The following PKIG variants were observed in gnomAD, a reference collection of about 807,000 sequenced individuals.
The protein encoded by PKIG is cAMP-dependent protein kinase inhibitor gamma.
In PKIG, 1 loss-of-function variant was observed where a neutral mutation model predicts 6.8. That is an observed-to-expected ratio of 0.15 (90% CI 0.05 to 0.69). The LOEUF (loss-of-function observed/expected upper bound fraction) is 0.69. Ranked by LOEUF, PKIG falls within the 30% of genes least tolerant of loss-of-function variation. The pLI, the probability that PKIG is intolerant of heterozygous loss-of-function variation, is 0.82. For synonymous variants in PKIG, 39 were observed against 43.0 expected (o/e 0.91, Z 0.36); for missense variants, 77 against 104.0 (o/e 0.74, Z 1.13).
At chr20:44,603,701 T>G (rs75107968) in intron 2 of PKIG, among the ~76,000 whole-genome samples, 133 of 152,302 alleles carry the variant, frequency 8.7e-4, no homozygotes, top group African/African-American at 3.1e-3. Context: ...GTCTTTCGGT[T>G]AGATTCTACA....
chr20:44,593,715 A>G lies in PKIG; in HGVS notation c.-24+3849A>G, dbSNP rs1242609784. ...TGGTAATTACAGTTAATAATATGGT[A>G]TTGTATACTTGAAATTTGCTAAGAG... On this transcript the variant is annotated intron_variant, in intron 2 of 3. Transcript: ENST00000372886. 2.0e-5 allele frequency among the ~76,000 whole-genome samples: 3 copies of G among 152,348 alleles called. No individual in the cohort carries two copies. The East Asian group carries it at 5.8e-4, about 29-fold the overall frequency.
intron 1 of PKIG, among the ~76,000 whole-genome samples, chr20:44,572,209 T>G (rs919412130): frequency 6.6e-6 from 1 of 152,178 alleles, no homozygotes; most frequent in Non-Finnish European, 1.5e-5. Flanking sequence ...TTTCACCATG[T>G]TGGTCAGGCT....
At chr20:44,577,117 GT>G (rs141419687) in intron 1 of PKIG, among the ~76,000 whole-genome samples, 47 of 148,666 alleles carry the variant, frequency 3.2e-4, no homozygotes, top group Non-Finnish European at 4.8e-4. Context: ...TGTGTGTGTG[GT>G]TTTTTTTTTG....
chr20:44,613,676 A>C, intron 2 of PKIG, among the ~76,000 whole-genome samples: 1 of 152,122 alleles, frequency 6.6e-6, no homozygotes, highest in Non-Finnish European at 1.5e-5. Flanking sequence ...TTATATCTAG[A>C]ATCCTTCCCA....
chr20:44,603,345 T>A (rs2123435375), intron 2 of PKIG, among the ~76,000 whole-genome samples: 1 of 152,284 alleles, frequency 6.6e-6, no homozygotes, highest in African/African-American at 2.4e-5. Flanking sequence ...ACTACACTTT[T>A]TGCATCACCA....
intron 1 of PKIG, among the ~76,000 whole-genome samples, chr20:44,548,952 A>G: frequency 6.6e-6 from 1 of 151,960 alleles, no homozygotes; most frequent in Admixed American, 6.6e-5. Flanking sequence ...GAGAAATGAA[A>G]TATCCCTGAT....
intron 2 of PKIG, among the ~76,000 whole-genome samples, chr20:44,590,233 G>A (rs966837612): frequency 6.6e-6 from 1 of 152,204 alleles, no homozygotes; most frequent in Non-Finnish European, 1.5e-5. Flanking sequence ...TCTCCACCAA[G>A]TGTTTGCTGT....
At chr20:44,597,278 T>C (rs1293121274) in intron 2 of PKIG, among the ~76,000 whole-genome samples, 1 of 145,640 alleles carries the variant, frequency 6.9e-6, no homozygotes, top group African/African-American at 2.5e-5. Flanking sequence ...CCTGGCTTTA[T>C]TAGAATTACT....
At chr20:44,593,347 A>G (rs1271304115) in intron 2 of PKIG, among the ~76,000 whole-genome samples, 1 of 142,516 alleles carries the variant, frequency 7.0e-6, no homozygotes, top group Non-Finnish European at 1.5e-5. Flanking sequence ...AAAAAAAATT[A>G]TAATGCTATA....
chr20:44,610,363 G>A (rs1440200921), intron 2 of PKIG, among the ~76,000 whole-genome samples: 1 of 152,130 alleles, frequency 6.6e-6, no homozygotes, highest in African/African-American at 2.4e-5. Flanking sequence ...TGATCTTTGA[G>A]GGCCCCTAAT....
intron 2 of PKIG, among the ~76,000 whole-genome samples, chr20:44,610,913 G>T (rs1489322632): frequency 1.3e-5 from 2 of 151,904 alleles, no homozygotes; most frequent in South Asian, 4.2e-4. Flanking sequence ...TATTTGTGGG[G>T]TGCAACTTGA....
intron 1 of PKIG, among the ~76,000 whole-genome samples, chr20:44,545,303 C>G (rs1022121329): frequency 6.6e-6 from 1 of 152,066 alleles, no homozygotes; most frequent in Non-Finnish European, 1.5e-5. Context: ...TAAGAATCAA[C>G]TGGGTTTGTT....
chr20:44,604,706 A>C (rs1447815994), intron 2 of PKIG, among the ~76,000 whole-genome samples: 1 of 152,246 alleles, frequency 6.6e-6, no homozygotes, highest in Non-Finnish European at 1.5e-5. Flanking sequence ...AGTAGAACTC[A>C]TGCAATAATT....
chr20:44,560,027 C>A (rs1271478293), intron 1 of PKIG, among the ~76,000 whole-genome samples: 2 of 146,798 alleles, frequency 1.4e-5, no homozygotes, highest in Admixed American at 1.4e-4. Flanking sequence ...ACATTTTTTT[C>A]ATGGGCAAAA....
intron 2 of PKIG, among the ~76,000 whole-genome samples, chr20:44,594,700 G>T (rs868682750): frequency 6.6e-6 from 1 of 151,746 alleles, no homozygotes; most frequent in Non-Finnish European, 1.5e-5. Flanking sequence ...CTGTCTCCTT[G>T]CAATGGGGGC....
chr20:44,573,594 G>A (rs768005590), intron 1 of PKIG, among the ~76,000 whole-genome samples: 13 of 152,254 alleles, frequency 8.5e-5, no homozygotes, highest in Non-Finnish European at 1.2e-4. Flanking sequence ...CAAAGGAGAA[G>A]TAGGGTAATG....
intron 2 of PKIG, among the ~76,000 whole-genome samples, chr20:44,594,958 A>G (rs1236452923): frequency 6.6e-6 from 1 of 152,204 alleles, no homozygotes; most frequent in African/African-American, 2.4e-5. Flanking sequence ...CCATCTTGTG[A>G]CCTGTTCTGA....
At chr20:44,613,217 G>T (rs1568836672) in intron 2 of PKIG, among the ~76,000 whole-genome samples, 1 of 152,156 alleles carries the variant, frequency 6.6e-6, no homozygotes, top group Non-Finnish European at 1.5e-5. Context: ...CCAGGCTGGA[G>T]TGCAGTGGCA....
intron 1 of PKIG, among the ~76,000 whole-genome samples, chr20:44,536,292 G>A (rs2064511615): frequency 6.6e-6 from 1 of 152,176 alleles, no homozygotes; most frequent in Non-Finnish European, 1.5e-5. Context: ...AGAAAGGTAA[G>A]CTGTTTATGA....
Sources: allele counts gnomAD v4.1 joint callset (sites outside exome capture counted in the v4.1 genomes callset), GRCh38; gene constraint gnomAD v4.1.1; transcripts MANE v1.5; gene names NCBI Gene and HGNC (gene_info 2026-07-23, HGNC 2026-07-21).